EPHA5: variants seen among roughly 807,000 people sequenced by gnomAD.
EPHA5 encodes the protein EPH receptor A5, also known as ephrin type-A receptor 5.
Under a neutral mutation model 105.0 loss-of-function variants are expected in EPHA5, and 60 were observed. The ratio of observed to expected loss-of-function variants is 0.57; its 90% CI spans 0.46 to 0.71. The LOEUF (loss-of-function observed/expected upper bound fraction) is 0.71. Among genes scored for constraint, EPHA5 ranks in the 30% least tolerant of loss-of-function variants. The probability of loss-of-function intolerance (pLI) is 0.00; values close to 1 mark genes in which losing one functional copy is unlikely to be tolerated. For missense variants in EPHA5, 1,218 were observed against 1,274.7 expected, an observed-to-expected ratio of 0.96 and a Z score of 0.68; for synonymous variants, 513 against 449.1, an observed-to-expected ratio of 1.14 and a Z score of -1.80.
chr4:65,601,819 A>C lies in EPHA5; in HGVS notation c.732T>G (p.Pro244=), dbSNP rs1743760819. 11 of 1,614,176 alleles carry C rather than the reference A, an allele frequency of 6.8e-6. No homozygotes were observed. The highest frequency in any genetic ancestry group is 9.3e-6 in the Non-Finnish European group (11 of 1,180,018). Residue 244 remains proline, a synonymous_variant, in exon 3 of 17, where the codon CCT becomes CCG. Coordinates refer to ENST00000613740, the MANE Select transcript of EPHA5 (RefSeq NM_001281766.3). The part of the protein sequence containing the change: ...PSVVRHLAVF[P]DTITGADSSQ... ...AAGAATCAGCTCCAGTGATGGTGTC[A>C]GGGAAGACAGCCAAGTGTCGTACCA... is the stretch of plus-strand genomic sequence containing the variant.
chr4:65,493,500 T>C (rs1731621927), intron 4 of EPHA5, among the ~76,000 whole-genome samples: 1 of 152,198 alleles, frequency 6.6e-6, no homozygotes, highest in Admixed American at 6.5e-5. Context: ...AAGGAAATCA[T>C]ATGCAGTATT....
chr4:65,414,252 G>A (rs1560511566), intron 7 of EPHA5, 32 bp downstream of exon 7: 1 of 1,601,644 alleles, frequency 6.2e-7, no homozygotes, highest in South Asian at 1.1e-5. Flanking sequence ...CCATTACTGA[G>A]ACATGAGCTG....
intron 14 of EPHA5, 68 bp from the exon 15 acceptor site, chr4:65,336,193 T>C: frequency 2.3e-6 from 3 of 1,287,514 alleles, no homozygotes; most frequent in African/African-American, 3.0e-5. Flanking sequence ...TTTAAAAATG[T>C]CCCACTGTCC....
intron 5 of EPHA5, among the ~76,000 whole-genome samples, chr4:65,464,044 A>AT (rs970934116): frequency 3.3e-5 from 5 of 151,262 alleles, no homozygotes; most frequent in South Asian, 4.2e-4. Context: ...ACAAGAGGAA[A>AT]TTTTTTTTTG....
At chr4:65,380,077 T>C (rs1318742711) in intron 8 of EPHA5, among the ~76,000 whole-genome samples, 1 of 151,712 alleles carries the variant, frequency 6.6e-6, no homozygotes, top group Non-Finnish European at 1.5e-5. Flanking sequence ...TCAGAGATGA[T>C]TTAGAAATAG....
chr4:65,517,332 TTA>T (rs1187297474), intron 3 of EPHA5, among the ~76,000 whole-genome samples: 1 of 151,866 alleles, frequency 6.6e-6, no homozygotes, highest in Admixed American at 6.6e-5. Context: ...TTTATTCATT[TTA>T]TGTTTTCAAC....
intron 3 of EPHA5, among the ~76,000 whole-genome samples, chr4:65,502,607 G>A (rs955432545): frequency 1.6e-4 from 24 of 152,012 alleles, no homozygotes; most frequent in African/African-American, 5.3e-4. Flanking sequence ...AACAGATGAT[G>A]GTGAGGCTGT....
At chr4:65,341,667 G>A (rs545479898) in intron 14 of EPHA5, among the ~76,000 whole-genome samples, 3 of 151,776 alleles carry the variant, frequency 2.0e-5, no homozygotes, top group African/African-American at 4.8e-5. Flanking sequence ...TTGGAAGATA[G>A]TGCATTCTTC....
intron 2 of EPHA5, among the ~76,000 whole-genome samples, chr4:65,617,068 C>A (rs1745307169): frequency 6.6e-6 from 1 of 151,996 alleles, no homozygotes; most frequent in Non-Finnish European, 1.5e-5. Flanking sequence ...TTGTTAATAA[C>A]ACACATTTAC....
intron 8 of EPHA5, among the ~76,000 whole-genome samples, chr4:65,374,977 T>C (rs1337491531): frequency 1.3e-5 from 2 of 151,894 alleles, no homozygotes; most frequent in Non-Finnish European, 2.9e-5. Context: ...AAGATTATTT[T>C]CTTCCTAATG....
At chr4:65,502,943 A>G (rs1249365375) in intron 3 of EPHA5, among the ~76,000 whole-genome samples, 1 of 151,864 alleles carries the variant, frequency 6.6e-6, no homozygotes, top group Non-Finnish European at 1.5e-5. Flanking sequence ...TAAAAAAAGA[A>G]CAAAATCATG....
In EPHA5 at chr4:65,601,805, C is replaced by T. The variant is rs1743759966; in HGVS notation, c.746G>A (p.Gly249Glu). ...HLAVFPDTIT[G>E]ADSSQLLEVS... ...TTCGAGCAATTGGGAAGAATCAGCT[C>T]CAGTGATGGTGTCAGGGAAGACAGC... The change falls in exon 3 of 17, where the codon GGA becomes GAA. Residue 249 changes from glycine (G) to glutamate (E), a missense_variant. By Grantham distance (98) the Gly-to-Glu change is moderately conservative. Transcript: ENST00000613740. 6.2e-7 allele frequency: 1 copy of T among 1,613,954 alleles called. No individual in the cohort carries two copies. The highest frequency in any genetic ancestry group is 1.7e-5 in the Admixed American group (1 of 59,964).
intron 5 of EPHA5, among the ~76,000 whole-genome samples, chr4:65,453,284 A>T (rs2149111473): frequency 6.6e-6 from 1 of 152,330 alleles, no homozygotes; most frequent in East Asian, 1.9e-4. Flanking sequence ...ACTAAGCAAT[A>T]CATTTTGTAA....
intron 5 of EPHA5, among the ~76,000 whole-genome samples, chr4:65,470,471 T>A (rs907527414): frequency 6.6e-6 from 1 of 152,142 alleles, no homozygotes; most frequent in African/African-American, 2.4e-5. Context: ...GCATTACACG[T>A]GTGAACCACC....
intron 11 of EPHA5, among the ~76,000 whole-genome samples, chr4:65,358,113 T>C (rs577086821): frequency 6.6e-6 from 1 of 151,598 alleles, no homozygotes; most frequent in African/African-American, 2.4e-5. Context: ...TGAAACAGAT[T>C]CTGCAATTTA....
chr4:65,580,663 A>G (rs1243895197), intron 3 of EPHA5, among the ~76,000 whole-genome samples: 1 of 151,912 alleles, frequency 6.6e-6, no homozygotes, highest in Non-Finnish European at 1.5e-5. Context: ...GACTAAAATT[A>G]GGACTTAAAT....
At chr4:65,331,042 T>C in intron 16 of EPHA5, 1 of 1,045,718 alleles carries the variant, frequency 9.6e-7, no homozygotes, top group Non-Finnish European at 1.2e-6. Flanking sequence ...GAGCAAGAAC[T>C]GCTCAATGTT....
At chr4:65,452,718 G>A (rs186698372) in intron 5 of EPHA5, among the ~76,000 whole-genome samples, 1 of 152,244 alleles carries the variant, frequency 6.6e-6, no homozygotes, top group African/African-American at 2.4e-5. Flanking sequence ...AATGTGTAAT[G>A]TTTGTCCTTA....
chr4:65,484,050 C>T (rs181488688), intron 5 of EPHA5, among the ~76,000 whole-genome samples: 1 of 152,246 alleles, frequency 6.6e-6, no homozygotes, highest in East Asian at 1.9e-4. Flanking sequence ...GGTGGTGGTT[C>T]AAGTACAGGC....
Sources: allele counts gnomAD v4.1 joint callset (sites outside exome capture counted in the v4.1 genomes callset), GRCh38; gene constraint gnomAD v4.1.1; transcripts MANE v1.5; gene names NCBI Gene and HGNC (gene_info 2026-07-23, HGNC 2026-07-21).